Variants in DPH6 observed in about 807,000 individuals in gnomAD.
DPH6 encodes diphthamine biosynthesis 6.
DPH6 carries 33 observed loss-of-function variants against 38.2 expected under a neutral mutation model. That is an observed-to-expected ratio of 0.86 (90% CI 0.65 to 1.15). The LOEUF (loss-of-function observed/expected upper bound fraction) is 1.15. DPH6 is among the 50% of genes most tolerant of loss of function. DPH6 has a pLI of 0.00. For missense variants in DPH6, 325 were observed against 320.0 expected, an observed-to-expected ratio of 1.02 and a Z score of -0.12; for synonymous variants, 108 against 103.0, an observed-to-expected ratio of 1.05 and a Z score of -0.30.
chr15:35,528,592 G>A, intron 3 of DPH6, among the ~76,000 whole-genome samples: 1 of 151,994 alleles, frequency 6.6e-6, no homozygotes, highest in Non-Finnish European at 1.5e-5. Context: ...TAGTATCTTA[G>A]TTTTTAATTT....
the DPH6 span, among the ~76,000 whole-genome samples, chr15:35,203,641 A>C: frequency 1.3e-5 from 2 of 151,930 alleles, no homozygotes; most frequent in South Asian, 4.1e-4. Flanking sequence ...ATAAATAAAT[A>C]GCAACCTGTG....
the DPH6 span, among the ~76,000 whole-genome samples, chr15:35,159,903 C>G: frequency 5.4e-4 from 82 of 152,092 alleles, no homozygotes; most frequent in African/African-American, 1.9e-3. Flanking sequence ...TTTGCAGCAA[C>G]ATGGATGGAG....
chr15:35,247,265 C>T (rs186021783), intron 3 of DPH6, among the ~76,000 whole-genome samples: 240 of 152,268 alleles, frequency 1.6e-3, no homozygotes, highest in Admixed American at 2.3e-3. Context: ...ATCTTATATA[C>T]TCTATCTACT....
intron 3 of DPH6, among the ~76,000 whole-genome samples, chr15:35,353,972 G>T (rs923418074): frequency 2.6e-5 from 4 of 152,106 alleles, no homozygotes; most frequent in African/African-American, 9.7e-5. Flanking sequence ...GTGGTTTGTA[G>T]TTCTCCTTGA....
intron 3 of DPH6, among the ~76,000 whole-genome samples, chr15:35,486,004 G>A (rs1474894725): frequency 6.6e-6 from 1 of 152,156 alleles, no homozygotes; most frequent in Admixed American, 6.5e-5. Context: ...CTGAGATTGG[G>A]TGTATTAGTC....
intron 3 of DPH6, among the ~76,000 whole-genome samples, chr15:35,487,928 G>C (rs941895206): frequency 6.6e-6 from 1 of 152,124 alleles, no homozygotes; most frequent in African/African-American, 2.4e-5. Context: ...GTCACATCTT[G>C]AATGCTTTGT....
chr15:35,431,646 A>G (rs1330269813), intron 5 of DPH6, among the ~76,000 whole-genome samples: 2 of 151,400 alleles, frequency 1.3e-5, no homozygotes, highest in Admixed American at 6.6e-5. Flanking sequence ...ATAAGAAAGG[A>G]ATCCATAAGA....
chr15:35,394,732 T>C lies in DPH6; in HGVS notation c.568-12816A>G, dbSNP rs141846506. The stretch of plus-strand genomic sequence containing the variant: ...GTGATCTGTAAAATGGAGATGACAA[T>C]AGTACCAACCTCATAGTATAACTGC... On this transcript the variant is annotated intron_variant, in intron 6 of 8. Coordinates refer to ENST00000256538, the MANE Select transcript of DPH6 (RefSeq NM_080650.4). Among the ~76,000 whole-genome samples, 139 of 152,310 alleles carry C rather than the reference T, an allele frequency of 9.1e-4. 1 individual carries two copies. Among genetic ancestry groups the C allele is most frequent in the African/African-American group, 3.2e-3 (132 of 41,588 alleles).
chr15:35,520,243 A>AAGAAG, intron 3 of DPH6: 1 of 866,152 alleles, frequency 1.2e-6, no homozygotes, highest in Non-Finnish European at 1.4e-6. Context: ...AAAAAAAACA[A>AAGAAG]AAGAAGAAGA....
At chr15:35,177,390 C>T in the DPH6 span, among the ~76,000 whole-genome samples, 2 of 151,260 alleles carry the variant, frequency 1.3e-5, no homozygotes, top group East Asian at 3.9e-4. Flanking sequence ...GCCTGGGCAA[C>T]ACAGTGAGAC....
rs907722602 is a variant in DPH6 at position 35,349,445 on chromosome 15, G to T, written n.208-18368C>A. ...ATTGTTTGTTTTTTTGTTTTGTTTT[G>T]TTTTTTTGAGACAAGGTCTCCCCCT... On this transcript the variant is annotated intron_variant and non_coding_transcript_variant, in intron 3 of 3. Transcript: ENST00000558973. 3.3e-5 allele frequency among the ~76,000 whole-genome samples: 5 copies of T among 151,860 alleles called. No individual in the cohort carries two copies. In the East Asian group the frequency reaches 9.7e-4, roughly 29 times the overall value.
At chr15:35,259,306 G>A (rs76103558) in intron 3 of DPH6, among the ~76,000 whole-genome samples, 2 of 152,224 alleles carry the variant, frequency 1.3e-5, no homozygotes, top group African/African-American at 2.4e-5. Flanking sequence ...ACTTAAAGAA[G>A]AGAAGAAATG....
the DPH6 span, among the ~76,000 whole-genome samples, chr15:35,157,813 C>T: frequency 1.3e-5 from 2 of 152,002 alleles, no homozygotes; most frequent in East Asian, 1.9e-4. Context: ...AAATGTTCTT[C>T]GTCACTCTCC....
intron 3 of DPH6, among the ~76,000 whole-genome samples, chr15:35,261,777 A>ACCACTGCACG (rs1394185231): frequency 2.0e-5 from 3 of 151,980 alleles, no homozygotes; most frequent in African/African-American, 4.8e-5. Context: ...AGGCTTCAGT[A>ACCACTGCACG]AGCCCTGATC....
chr15:35,356,840 G>A (rs1337419244), intron 3 of DPH6, among the ~76,000 whole-genome samples: 1 of 152,174 alleles, frequency 6.6e-6, no homozygotes. Context: ...AACTGCAGAG[G>A]TTTCTGCTGT....
intron 4 of DPH6, among the ~76,000 whole-genome samples, chr15:35,451,902 C>T (rs936310016): frequency 2.6e-5 from 4 of 152,122 alleles, no homozygotes; most frequent in African/African-American, 9.7e-5. Flanking sequence ...CCCAGCTACT[C>T]GGGAGGCTGA....
intron 2 of DPH6, among the ~76,000 whole-genome samples, chr15:35,541,049 A>C (rs1195856323): frequency 6.6e-6 from 1 of 152,084 alleles, no homozygotes; most frequent in African/African-American, 2.4e-5. Flanking sequence ...TCATCCTCAA[A>C]GAATTTTCTC....
Position 35,371,758 on chromosome 15 carries a change from T to A in DPH6, c.*392A>T, listed in dbSNP as rs1190896072. On this transcript the variant is annotated 3_prime_UTR_variant, in exon 9 of 9. Coordinates refer to ENST00000256538, the MANE Select transcript of DPH6 (RefSeq NM_080650.4). Reference sequence around the variant, plus strand: ...GCTAAATAAAGTGACCATCTTTTCATCTTCATTTTCAAATGCCTCTGCATC... The same window carrying A: ...GCTAAATAAAGTGACCATCTTTTCAACTTCATTTTCAAATGCCTCTGCATC... The A allele has an allele frequency of 1.0e-6, 1 of 989,018 alleles. No homozygotes were observed. The highest frequency in any genetic ancestry group is 1.2e-6 in the Non-Finnish European group (1 of 832,718). 61.3% of individuals were successfully genotyped at this position (989,018 alleles called of 1,614,324 possible). A position where few individuals can be genotyped will look rare whatever the true frequency, so the allele number is the denominator to read the frequency against.
exon 4 of DPH6, chr15:35,218,793 C>T (rs528066435): frequency 1.3e-5 from 2 of 151,730 alleles, no homozygotes; most frequent in South Asian, 4.2e-4. Context: ...ATGAGAACGT[C>T]TGGTGTTTAT....
Sources: allele counts gnomAD v4.1 joint callset (sites outside exome capture counted in the v4.1 genomes callset), GRCh38; gene constraint gnomAD v4.1.1; transcripts MANE v1.5; gene names NCBI Gene and HGNC (gene_info 2026-07-23, HGNC 2026-07-21).